The following AKAP19 variants were observed in gnomAD, a reference collection of about 807,000 sequenced individuals.
AKAP19 encodes small A-kinase anchoring protein.
At chr2:190,170,443 T>C in the AKAP19 span, among the ~76,000 whole-genome samples, 2 of 152,210 alleles carry the variant, frequency 1.3e-5, no homozygotes, top group Non-Finnish European at 2.9e-5. Flanking sequence ...CATACTTAGC[T>C]CTCTGAACTG....
the AKAP19 span, among the ~76,000 whole-genome samples, chr2:189,888,609 T>C: frequency 5.3e-5 from 8 of 152,200 alleles, no homozygotes; most frequent in Non-Finnish European, 1.2e-4. Context: ...TGTCCTCTCT[T>C]ATTTCCTTGA....
the AKAP19 span, among the ~76,000 whole-genome samples, chr2:190,133,697 A>G: frequency 2.0e-5 from 3 of 152,224 alleles, no homozygotes; most frequent in Non-Finnish European, 4.4e-5. Flanking sequence ...TCACATGGAT[A>G]AACCTTGAAG....
At chr2:190,110,412 G>T in the AKAP19 span, among the ~76,000 whole-genome samples, 1 of 152,112 alleles carries the variant, frequency 6.6e-6, no homozygotes, top group African/African-American at 2.4e-5. Context: ...CAAAACAGTG[G>T]TCTTTGCATT....
chr2:189,899,862 A>G, the AKAP19 span, among the ~76,000 whole-genome samples: 1 of 152,054 alleles, frequency 6.6e-6, no homozygotes, highest in Non-Finnish European at 1.5e-5. Context: ...AAATGTTGCT[A>G]TTTATTTTAG....
chr2:189,986,094 G>A, the AKAP19 span, among the ~76,000 whole-genome samples: 7 of 152,108 alleles, frequency 4.6e-5, no homozygotes, highest in Non-Finnish European at 8.8e-5. Flanking sequence ...TGGGGGGCAG[G>A]AATTTGCGGG....
the AKAP19 span, chr2:190,201,934 A>G: frequency 6.0e-6 from 1 of 167,040 alleles, no homozygotes. Context: ...TCTCACACCA[A>G]GACATTTTTG....
At chr2:190,004,430 C>T in the AKAP19 span, among the ~76,000 whole-genome samples, 11 of 151,988 alleles carry the variant, frequency 7.2e-5, no homozygotes, top group African/African-American at 1.7e-4. Flanking sequence ...TACAGTGACC[C>T]GTAGGGCCTT....
At chr2:190,068,083 G>A in the AKAP19 span, among the ~76,000 whole-genome samples, 3 of 151,916 alleles carry the variant, frequency 2.0e-5, no homozygotes, top group African/African-American at 7.3e-5. Context: ...GAGACAGAGC[G>A]AGACCCTCTC....
chr2:189,915,297 G>C, the AKAP19 span, among the ~76,000 whole-genome samples: 11 of 152,080 alleles, frequency 7.2e-5, no homozygotes, highest in Admixed American at 2.6e-4. Context: ...AGTTTTAAAA[G>C]AGCAGCATGA....
At chr2:190,056,667 T>G in the AKAP19 span, 2 of 152,772 alleles carry the variant, frequency 1.3e-5, no homozygotes, top group Admixed American at 1.3e-4. Context: ...CCTGGTAGCC[T>G]CAGACATTCA....
the AKAP19 span, among the ~76,000 whole-genome samples, chr2:190,025,491 C>G: frequency 6.6e-6 from 1 of 152,054 alleles, no homozygotes; most frequent in African/African-American, 2.4e-5. Context: ...AGTAATGTAA[C>G]CACAACAGTA....
the AKAP19 span, among the ~76,000 whole-genome samples, chr2:190,022,054 A>G: frequency 6.6e-6 from 1 of 151,992 alleles, no homozygotes; most frequent in Non-Finnish European, 1.5e-5. Context: ...TTACAAAGCC[A>G]TCAGTCCCAT....
At chr2:190,118,603 C>T in the AKAP19 span, among the ~76,000 whole-genome samples, 40 of 152,176 alleles carry the variant, frequency 2.6e-4, no homozygotes, top group South Asian at 7.3e-3. Flanking sequence ...ATAAACAGAA[C>T]CAAAGACAAA....
the AKAP19 span, chr2:190,080,130 T>C: frequency 2.0e-5 from 3 of 152,188 alleles, no homozygotes; most frequent in Non-Finnish European, 1.5e-5. Context: ...ATATAGAAAC[T>C]CCCTTTCTTT....
chr2:190,176,590 T>C, the AKAP19 span, among the ~76,000 whole-genome samples: 2 of 152,328 alleles, frequency 1.3e-5, no homozygotes, highest in African/African-American at 4.8e-5. The surrounding 1 kb of genome is among the most constrained non-coding windows in gnomAD (Gnocchi z 4.7). Flanking sequence ...CCTCGTGATC[T>C]GCCTGCCTTG....
the AKAP19 span, among the ~76,000 whole-genome samples, chr2:190,131,104 A>C: frequency 1.3e-5 from 2 of 152,148 alleles, no homozygotes; most frequent in African/African-American, 4.8e-5. Flanking sequence ...TGCTAGAAGA[A>C]TCTTTTGTTC....
the AKAP19 span, among the ~76,000 whole-genome samples, chr2:190,096,423 C>A: frequency 6.6e-6 from 1 of 152,212 alleles, no homozygotes; most frequent in Non-Finnish European, 1.5e-5. Flanking sequence ...CAGATGCCTT[C>A]TGACTAACGT....
At chr2:190,036,290 A>G in the AKAP19 span, among the ~76,000 whole-genome samples, 3 of 152,116 alleles carry the variant, frequency 2.0e-5, no homozygotes, top group Non-Finnish European at 4.4e-5. Context: ...CCAAATCACA[A>G]TGTGGCTGTG....
the AKAP19 span, among the ~76,000 whole-genome samples, chr2:190,193,016 T>C: frequency 1.3e-5 from 2 of 152,094 alleles, no homozygotes; most frequent in African/African-American, 2.4e-5. Context: ...TTCCTCATAC[T>C]CAGTGGGACT....
Sources: gnomAD v4.1 joint callset for allele counts (sites outside exome capture counted in the v4.1 genomes callset) on GRCh38, gnomAD v4.1.1 for gene constraint, Gnocchi (gnomAD v3.1) non-coding constraint, MANE v1.5 for transcripts, NCBI Gene and HGNC (gene_info 2026-07-23, HGNC 2026-07-21) for gene names.